TARP: variants seen among roughly 807,000 people sequenced by gnomAD.
the TARP span, among the ~76,000 whole-genome samples, chr7:38,272,847 A>C: frequency 6.6e-6 from 1 of 151,346 alleles, no homozygotes; most frequent in Non-Finnish European, 1.5e-5. Context: ...CAATTGGATA[A>C]AAGAGAATCG....
the TARP span, among the ~76,000 whole-genome samples, chr7:38,268,789 CA>C: frequency 6.6e-6 from 1 of 151,598 alleles, no homozygotes; most frequent in African/African-American, 2.4e-5. Context: ...TCCATTTGAG[CA>C]GTTAGAAGTA....
the TARP span, chr7:38,265,813 C>G: frequency 5.9e-6 from 4 of 679,484 alleles, no homozygotes; most frequent in African/African-American, 7.3e-5. Flanking sequence ...GGCCTTTCAT[C>G]CAGGATAGGC....
the TARP span, among the ~76,000 whole-genome samples, chr7:38,266,921 T>G: frequency 0.038 from 5,825 of 151,930 alleles, 172 homozygotes; most frequent in Non-Finnish European, 0.059. Flanking sequence ...GTTAATCTTC[T>G]GCAGTAACGC....
chr7:38,263,448 G>T, the TARP span, among the ~76,000 whole-genome samples: 4 of 136,742 alleles, frequency 2.9e-5, no homozygotes, highest in Admixed American at 7.2e-5. Context: ...TTATAAAGAG[G>T]CAATATAATG....
At chr7:38,270,444 C>T in the TARP span, among the ~76,000 whole-genome samples, 4 of 151,458 alleles carry the variant, frequency 2.6e-5, no homozygotes, top group South Asian at 2.1e-4. Flanking sequence ...TCAAAGGGAA[C>T]ATTGGCTAAA....
the TARP span, among the ~76,000 whole-genome samples, chr7:38,264,204 A>C: frequency 6.6e-5 from 10 of 151,970 alleles, no homozygotes; most frequent in African/African-American, 2.4e-4. Flanking sequence ...TCAGAAAAAC[A>C]AACTTCCAAG....
chr7:38,263,212 T>G, the TARP span, among the ~76,000 whole-genome samples: 4 of 151,226 alleles, frequency 2.6e-5, no homozygotes. Context: ...ATGCTTCCCA[T>G]GCATTTTTTG....
At chr7:38,263,688 C>T in the TARP span, among the ~76,000 whole-genome samples, 5,136 of 111,164 alleles carry the variant, frequency 0.046, 1 homozygote, top group African/African-American at 0.14. Context: ...AGACAACATA[C>T]TTTAAAACAG....
chr7:38,265,556 T>C, the TARP span: 8 of 1,612,224 alleles, frequency 5.0e-6, no homozygotes, highest in East Asian at 8.9e-5. Flanking sequence ...TGTATCTTAA[T>C]AACATCAGGG....
chr7:38,271,434 A>G, the TARP span, among the ~76,000 whole-genome samples: 1 of 151,488 alleles, frequency 6.6e-6, no homozygotes, highest in African/African-American at 2.4e-5. Flanking sequence ...GTAACTTCTC[A>G]TATTAAAAAA....
At chr7:38,260,979 A>T in the TARP span, among the ~76,000 whole-genome samples, 1 of 151,602 alleles carries the variant, frequency 6.6e-6, no homozygotes, top group Non-Finnish European at 1.5e-5. Context: ...AGAAACAAGT[A>T]CTCATTCTGT....
chr7:38,266,739 A>G, the TARP span, among the ~76,000 whole-genome samples: 660 of 151,774 alleles, frequency 4.3e-3, no homozygotes, highest in African/African-American at 0.015. Flanking sequence ...TTAATATCTA[A>G]CTTTATATAA....
chr7:38,268,394 T>C, the TARP span, among the ~76,000 whole-genome samples: 1 of 151,690 alleles, frequency 6.6e-6, no homozygotes, highest in Non-Finnish European at 1.5e-5. Context: ...TATGGATATT[T>C]ATTTAAGTGT....
the TARP span, among the ~76,000 whole-genome samples, chr7:38,262,884 C>T: frequency 4.6e-5 from 7 of 151,354 alleles, no homozygotes; most frequent in East Asian, 1.4e-3. Context: ...GTTTCAAACT[C>T]CTGGACTCAA....
chr7:38,263,690 T>A, the TARP span, among the ~76,000 whole-genome samples: 3,391 of 151,870 alleles, frequency 0.022, 91 homozygotes, highest in Middle Eastern at 0.088. Flanking sequence ...ACAACATACT[T>A]TAAAACAGAA....
the TARP span, among the ~76,000 whole-genome samples, chr7:38,260,834 G>A: frequency 4.6e-5 from 7 of 151,824 alleles, no homozygotes; most frequent in Non-Finnish European, 8.8e-5. Context: ...GGTCAAGTGA[G>A]GTGGTACTGC....
At chr7:38,273,613 C>T in the TARP span, 1 of 1,598,124 alleles carries the variant, frequency 6.3e-7, no homozygotes, top group African/African-American at 1.3e-5. Flanking sequence ...TGTTCCGGGA[C>T]CAAATACCTT....
the TARP span, among the ~76,000 whole-genome samples, chr7:38,264,759 C>G: frequency 6.6e-6 from 1 of 151,530 alleles, no homozygotes; most frequent in Non-Finnish European, 1.5e-5. Context: ...GTAAGACTAC[C>G]CTCAAGCTTT....
At chr7:38,270,029 G>A in the TARP span, among the ~76,000 whole-genome samples, 1 of 151,926 alleles carries the variant, frequency 6.6e-6, no homozygotes, top group African/African-American at 2.4e-5. Context: ...TTGAGCCTAG[G>A]AGTTCGAGGC....
Sources: allele counts gnomAD v4.1 joint callset (sites outside exome capture counted in the v4.1 genomes callset), GRCh38; gene constraint gnomAD v4.1.1; transcripts MANE v1.5.